ERC1: variants seen among roughly 807,000 people sequenced by gnomAD.
The protein encoded by ERC1 is RAB6 interacting protein 2.
In ERC1, 56 loss-of-function variants were observed where a neutral mutation model predicts 132.0. The ratio of observed to expected loss-of-function variants is 0.42; its 90% CI spans 0.34 to 0.53. The LOEUF is 0.53. ERC1 is among the 20% of genes least tolerant of loss of function. The probability of loss-of-function intolerance (pLI) is 0.03; values close to 1 mark genes in which losing one functional copy is unlikely to be tolerated. For missense variants in ERC1, 1,202 were observed against 1,349.9 expected, an observed-to-expected ratio of 0.89 and a Z score of 1.72; for synonymous variants, 478 against 476.1, an observed-to-expected ratio of 1.00 and a Z score of -0.05.
chr12:1,030,530 C>G (rs1444165208), intron 2 of ERC1, among the ~76,000 whole-genome samples: 1 of 151,958 alleles, frequency 6.6e-6, no homozygotes, highest in Non-Finnish European at 1.5e-5. Flanking sequence ...TTGAGACTAG[C>G]CTGGGCAAAA....
rs566495434 is a variant in ERC1, at chr12:1,491,132, C to T, written c.*902C>T. ...TTGACATATGAGACCCTGTTGTCCC[C>T]GCCTGCAGCTTTGCCCCAGTAACAG... On this transcript the variant is annotated 3_prime_UTR_variant, in exon 19 of 19. Transcript: ENST00000360905. 5.6e-5 allele frequency: 13 copies of T among 232,608 alleles called. No homozygotes were observed. Among genetic ancestry groups the T allele is most frequent in the East Asian group, 6.1e-5 (1 of 16,520 alleles). The allele number at this position is 232,608 out of a possible 1,614,324, so 14.4% of individuals were successfully genotyped here.
chr12:1,251,698 A>G (rs2076478380), intron 13 of ERC1, among the ~76,000 whole-genome samples: 1 of 152,180 alleles, frequency 6.6e-6, no homozygotes, highest in African/African-American at 2.4e-5. Context: ...ATTACTTTTT[A>G]AAATTCTGCA....
intron 15 of ERC1, among the ~76,000 whole-genome samples, chr12:1,308,942 A>C (rs1420009655): frequency 6.6e-6 from 1 of 152,202 alleles, no homozygotes; most frequent in Non-Finnish European, 1.5e-5. Flanking sequence ...AGTTCTTATG[A>C]ATGGGATTCG....
intron 8 of ERC1, among the ~76,000 whole-genome samples, chr12:1,178,619 T>G (rs1449053338): frequency 6.6e-6 from 1 of 152,178 alleles, no homozygotes; most frequent in Admixed American, 6.5e-5. Flanking sequence ...GGTTTTTCTC[T>G]TGGGGGTGAG....
chr12:1,214,821 G>A (rs1958242729), intron 12 of ERC1, among the ~76,000 whole-genome samples: 1 of 151,994 alleles, frequency 6.6e-6, no homozygotes, highest in Non-Finnish European at 1.5e-5. Flanking sequence ...TAAGAGATGG[G>A]CATTATTCCC....
chr12:1,475,503 G>C (rs140458270), intron 18 of ERC1, among the ~76,000 whole-genome samples: 1 of 152,264 alleles, frequency 6.6e-6, no homozygotes, highest in Non-Finnish European at 1.5e-5. Context: ...CAGAGAAAAG[G>C]GGCTCAACCG....
At chr12:1,426,296 G>T (rs1369267605) in intron 17 of ERC1, among the ~76,000 whole-genome samples, 1 of 151,940 alleles carries the variant, frequency 6.6e-6, no homozygotes, top group Non-Finnish European at 1.5e-5. Flanking sequence ...GTAGAGACAG[G>T]TTTTCACCGT....
intron 17 of ERC1, among the ~76,000 whole-genome samples, chr12:1,433,220 T>C (rs1281099095): frequency 2.0e-5 from 3 of 152,194 alleles, no homozygotes; most frequent in Non-Finnish European, 4.4e-5. Flanking sequence ...GGGAAGTAAC[T>C]GACGTGAGAG....
At chr12:1,347,847 G>A (rs1201544222) in intron 15 of ERC1, among the ~76,000 whole-genome samples, 2 of 152,190 alleles carry the variant, frequency 1.3e-5, no homozygotes. Context: ...GCCAGGGGTG[G>A]TGGCGCATGC....
At chr12:1,176,245 C>A (rs1373714789) in intron 8 of ERC1, among the ~76,000 whole-genome samples, 1 of 152,278 alleles carries the variant, frequency 6.6e-6, no homozygotes, top group South Asian at 2.1e-4. Flanking sequence ...ACATGAATCT[C>A]CTTGTACCTC....
chr12:1,454,143 C>T (rs897347108), intron 18 of ERC1, among the ~76,000 whole-genome samples: 2 of 151,958 alleles, frequency 1.3e-5, no homozygotes, highest in African/African-American at 2.4e-5. Context: ...ATGAATCTTC[C>T]GTAACACTCT....
At chr12:1,437,102 T>C (rs952005016) in intron 17 of ERC1, among the ~76,000 whole-genome samples, 69 of 152,240 alleles carry the variant, frequency 4.5e-4, no homozygotes, top group African/African-American at 1.6e-3. Flanking sequence ...TTGTTAACTC[T>C]TAACAGCAAG....
chr12:1,424,663 C>G, intron 17 of ERC1, among the ~76,000 whole-genome samples: 1 of 152,134 alleles, frequency 6.6e-6, no homozygotes, highest in Non-Finnish European at 1.5e-5. Context: ...CCTCTTGTTT[C>G]TTCATCCCTA....
chr12:1,041,785 A>G (rs996077174), intron 2 of ERC1, among the ~76,000 whole-genome samples: 18 of 152,216 alleles, frequency 1.2e-4, no homozygotes, highest in African/African-American at 1.7e-4. Context: ...GAGGAATGGT[A>G]ACTTTGTTGA....
Position 1,495,125 on chromosome 12 carries a change from T to C in ERC1, c.*4895T>C, listed in dbSNP as rs935244603. The C allele has an allele frequency of 3.0e-5, 7 of 229,726 alleles. No homozygotes were observed. The highest frequency in any genetic ancestry group is 5.2e-5 in the Non-Finnish European group (6 of 115,928). The allele number at this position is 229,726 out of a possible 1,614,324, so 14.2% of individuals were successfully genotyped here. A position where few individuals can be genotyped will look rare whatever the true frequency, so the allele number is the denominator to read the frequency against. On this transcript the variant is annotated 3_prime_UTR_variant, in exon 19 of 19. Coordinates refer to ENST00000360905, the MANE Select transcript of ERC1 (RefSeq NM_178040.4). The stretch of plus-strand genomic sequence containing the variant: ...TCACCCGACGTGGGTTCTAGCTCAG[T>C]GTGCCTAATACTGCATGGTAACCTG...
chr12:1,402,155 A>G (rs1004211728), intron 16 of ERC1, among the ~76,000 whole-genome samples: 1 of 152,254 alleles, frequency 6.6e-6, no homozygotes, highest in Non-Finnish European at 1.5e-5. Flanking sequence ...GAACAGGGAA[A>G]AACACTTTAT....
intron 12 of ERC1, among the ~76,000 whole-genome samples, chr12:1,235,438 A>G (rs927356492): frequency 2.6e-5 from 4 of 152,268 alleles, no homozygotes; most frequent in Non-Finnish European, 4.4e-5. Context: ...TACATAACAT[A>G]TAACGGATAA....
chr12:1,287,629 G>A (rs1018026204), intron 14 of ERC1, among the ~76,000 whole-genome samples: 3 of 152,148 alleles, frequency 2.0e-5, no homozygotes, highest in African/African-American at 7.2e-5. Context: ...GCTTTTCCTT[G>A]CATTCATTCA....
At position 1,110,355 on chromosome 12, in the gene ERC1, C is replaced by G; in HGVS notation, c.1317+8C>G. ...AAATTTATGAAAAATAAGGTAATGG[C>G]ATGTGAGACTTTTGATTCTTAAAAG... On this transcript the variant is annotated splice_region_variant and intron_variant, in intron 5 of 18. Transcript: ENST00000360905. The G allele has an allele frequency of 6.3e-7, 1 of 1,582,384 alleles. No homozygotes were observed. Among genetic ancestry groups the G allele is most frequent in the Non-Finnish European group, 8.6e-7 (1 of 1,167,310 alleles).
Sources: gnomAD v4.1 joint callset for allele counts (sites outside exome capture counted in the v4.1 genomes callset) on GRCh38, gnomAD v4.1.1 for gene constraint, MANE v1.5 for transcripts, NCBI Gene and HGNC (gene_info 2026-07-23, HGNC 2026-07-21) for gene names.